The following DAB1 variants were observed in gnomAD, a reference collection of about 807,000 sequenced individuals.
DAB1 encodes disabled homolog 1.
In DAB1, 15 loss-of-function variants were observed where a neutral mutation model predicts 64.6. The ratio of observed to expected loss-of-function variants is 0.23; its 90% confidence interval spans 0.16 to 0.36. DAB1 has a LOEUF of 0.36. Among genes scored for constraint, DAB1 ranks in the 10% least tolerant of loss-of-function variants. The pLI is 1.00. For synonymous variants in DAB1, 235 were observed against 251.9 expected, an observed-to-expected ratio of 0.93 and a Z score of 0.64; for missense variants, 596 against 706.7, an observed-to-expected ratio of 0.84 and a Z score of 1.78.
chr1:58,138,060 A>G (rs544557024), intron 5 of DAB1, among the ~76,000 whole-genome samples: 2 of 152,358 alleles, frequency 1.3e-5, no homozygotes, highest in East Asian at 3.9e-4. Context: ...TAAAAATATA[A>G]TGATGAATGT....
chr1:57,247,886 C>T (rs1328491029), intron 2 of DAB1, among the ~76,000 whole-genome samples: 2 of 152,218 alleles, frequency 1.3e-5, no homozygotes, highest in Non-Finnish European at 2.9e-5. Context: ...ATGGCAGAGC[C>T]TCCTTGGCCT....
intron 3 of DAB1, among the ~76,000 whole-genome samples, chr1:58,396,566 C>G (rs1016861999): frequency 2.6e-5 from 4 of 151,566 alleles, no homozygotes; most frequent in Non-Finnish European, 5.9e-5. Context: ...GGGAGAGACA[C>G]AGAGATATGC....
chr1:57,147,649 T>A (rs764887409), intron 2 of DAB1, among the ~76,000 whole-genome samples: 2 of 152,074 alleles, frequency 1.3e-5, no homozygotes, highest in Non-Finnish European at 2.9e-5. Context: ...TAGCTAAACA[T>A]CCTCCTCTTC....
At chr1:57,140,908 G>A (rs1422688423) in intron 3 of DAB1, among the ~76,000 whole-genome samples, 1 of 152,180 alleles carries the variant, frequency 6.6e-6, no homozygotes, top group Non-Finnish European at 1.5e-5. Flanking sequence ...GTTCAGCTCA[G>A]GGGTTGCTTT....
At chr1:57,379,822 T>A (rs1294395964) in intron 1 of DAB1, among the ~76,000 whole-genome samples, 1 of 152,184 alleles carries the variant, frequency 6.6e-6, no homozygotes, top group East Asian at 1.9e-4. Flanking sequence ...ATATCCAACC[T>A]TCATGAAGAA....
At chr1:58,079,134 TG>T (rs1404779481) in intron 5 of DAB1, among the ~76,000 whole-genome samples, 4 of 152,200 alleles carry the variant, frequency 2.6e-5, no homozygotes, top group African/African-American at 9.7e-5. Flanking sequence ...AGAAGTCAGG[TG>T]GCTTGACCAA....
intron 5 of DAB1, among the ~76,000 whole-genome samples, chr1:58,044,514 G>A (rs1192130589): frequency 6.6e-6 from 1 of 151,920 alleles, no homozygotes; most frequent in South Asian, 2.1e-4. Context: ...TATGTTTTCT[G>A]AGTGTCTCTT....
intron 9 of DAB1, among the ~76,000 whole-genome samples, chr1:57,027,203 A>T (rs2100401561): frequency 6.6e-6 from 1 of 152,276 alleles, no homozygotes; most frequent in Non-Finnish European, 1.5e-5. Context: ...CCCACACTCC[A>T]TGCCTGGGGG....
intron 7 of DAB1, among the ~76,000 whole-genome samples, chr1:57,577,417 A>G (rs1645263135): frequency 6.9e-4 from 1 of 1,450 alleles, no homozygotes; most frequent in African/African-American, 7.3e-4. Context: ...AGGCTTCCTA[A>G]AAAAAAAAAA....
intron 1 of DAB1, among the ~76,000 whole-genome samples, chr1:57,388,058 A>T (rs981037474): frequency 6.6e-6 from 1 of 151,350 alleles, no homozygotes; most frequent in African/African-American, 2.4e-5. Context: ...GAACTGCTGG[A>T]CTCCCCTCCT....
intron 5 of DAB1, among the ~76,000 whole-genome samples, chr1:57,977,630 T>C (rs1253307118): frequency 6.6e-6 from 1 of 152,096 alleles, no homozygotes; most frequent in Non-Finnish European, 1.5e-5. Flanking sequence ...TATATACACA[T>C]CTCTGAAAGC....
chr1:58,285,571 G>T (rs535762443), intron 4 of DAB1, among the ~76,000 whole-genome samples: 31 of 152,186 alleles, frequency 2.0e-4, no homozygotes, highest in African/African-American at 6.3e-4. Flanking sequence ...ATTCACAATT[G>T]CCACAAAAAG....
intron 2 of DAB1, among the ~76,000 whole-genome samples, chr1:57,154,695 G>A (rs1660043241): frequency 6.6e-6 from 1 of 152,062 alleles, no homozygotes; most frequent in East Asian, 1.9e-4. Flanking sequence ...CCACATCTTT[G>A]TCAGCATTTG....
At chr1:58,236,103 C>T (rs1333120020) in intron 4 of DAB1, among the ~76,000 whole-genome samples, 1 of 148,528 alleles carries the variant, frequency 6.7e-6, no homozygotes, top group East Asian at 2.0e-4. Context: ...CCCTGCCCGC[C>T]CCCCCGCCCC....
chr1:57,568,311 A>G (rs760443171), intron 7 of DAB1, among the ~76,000 whole-genome samples: 31 of 152,302 alleles, frequency 2.0e-4, no homozygotes, highest in Admixed American at 5.2e-4. Flanking sequence ...TAGACCTAAA[A>G]CCATAAAAAC....
chr1:57,238,991 A>C (rs1668314306), intron 2 of DAB1, among the ~76,000 whole-genome samples: 1 of 152,064 alleles, frequency 6.6e-6, no homozygotes. Context: ...CTATTTACCA[A>C]TCATAGAAGA....
intron 2 of DAB1, among the ~76,000 whole-genome samples, chr1:57,224,798 G>A (rs1667136201): frequency 6.6e-6 from 1 of 152,314 alleles, no homozygotes; most frequent in Middle Eastern, 3.4e-3. Context: ...AGGGCCCTGA[G>A]AGAGCTTCAG....
intron 7 of DAB1, among the ~76,000 whole-genome samples, chr1:57,614,660 T>A (rs1387420847): frequency 6.6e-6 from 1 of 152,160 alleles, no homozygotes; most frequent in Admixed American, 6.5e-5. Flanking sequence ...GTTTTTCACA[T>A]CCTTGCTTGG....
intron 3 of DAB1, among the ~76,000 whole-genome samples, chr1:58,494,554 A>G (rs2100387773): frequency 6.6e-6 from 1 of 152,302 alleles, no homozygotes; most frequent in South Asian, 2.1e-4. Flanking sequence ...TCTACAATGA[A>G]CTCAAACAAA....
Sources: allele counts gnomAD v4.1 joint callset (sites outside exome capture counted in the v4.1 genomes callset), GRCh38; gene constraint gnomAD v4.1.1; transcripts MANE v1.5; gene names NCBI Gene and HGNC (gene_info 2026-07-23, HGNC 2026-07-21).